HIVEP2: variants seen among roughly 807,000 people sequenced by gnomAD.
The protein encoded by HIVEP2 is transcription factor HIVEP2.
Under a neutral mutation model 180.7 loss-of-function variants are expected in HIVEP2, and 14 were observed. That is an observed-to-expected ratio of 0.08 (90% CI 0.05 to 0.12). The LOEUF (loss-of-function observed/expected upper bound fraction) is 0.12. Among genes scored for constraint, HIVEP2 ranks in the 10% least tolerant of loss-of-function variants. The pLI is 1.00. For missense variants in HIVEP2, 2,579 were observed against 3,008.5 expected (o/e 0.86, Z 3.34); for synonymous variants, 1,184 against 1,136.4 (o/e 1.04, Z -0.84).
intron 4 of HIVEP2, 27 bp downstream of exon 4, chr6:142,776,120 A>G (rs760642911): frequency 6.6e-6 from 1 of 152,606 alleles, no homozygotes; most frequent in Non-Finnish European, 1.5e-5. Context: ...GCATATTTCT[A>G]GGACAGTTTA....
At chr6:142,818,080 G>A in intron 2 of HIVEP2, among the ~76,000 whole-genome samples, 1 of 152,106 alleles carries the variant, frequency 6.6e-6, no homozygotes, top group Non-Finnish European at 1.5e-5. Flanking sequence ...TATGAAGCAT[G>A]TATTATTTGC....
intron 3 of HIVEP2, among the ~76,000 whole-genome samples, chr6:142,781,297 C>T (rs1033800745): frequency 4.6e-5 from 7 of 152,102 alleles, no homozygotes; most frequent in South Asian, 2.1e-4. Flanking sequence ...AACAGCGAGT[C>T]GTCACTTTAT....
intron 2 of HIVEP2, among the ~76,000 whole-genome samples, chr6:142,828,283 C>A (rs1388150508): frequency 3.9e-5 from 6 of 152,186 alleles, no homozygotes; most frequent in African/African-American, 1.4e-4. Context: ...ACTTTGGAAT[C>A]TTTTATCTGA....
Position 142,893,119 on chromosome 6 carries a change from T to G in HIVEP2, c.-641+51980A>C, listed in dbSNP as rs9376712. Among the ~76,000 whole-genome samples the G allele has an allele frequency of 8.6e-3, 1,305 of 152,278 alleles. 85 individuals are homozygous for G. The East Asian group carries it at 0.17, about 20-fold the overall frequency. ...ATCCCTATATTGGCCAGGCAGGAAC[T>G]GGAAAGTGGGACCTGGAGTCACAAA... On this transcript the variant is annotated intron_variant, in intron 1 of 9. Transcript: ENST00000367603.
At chr6:142,799,570 G>C (rs139330216) in intron 2 of HIVEP2, among the ~76,000 whole-genome samples, 22 of 152,212 alleles carry the variant, frequency 1.4e-4, no homozygotes, top group Non-Finnish European at 3.2e-4. Flanking sequence ...CTAAAAATTA[G>C]TAAATTTCTG....
intron 1 of HIVEP2, among the ~76,000 whole-genome samples, chr6:142,910,473 A>T (rs375663272): frequency 2.6e-4 from 39 of 152,320 alleles, no homozygotes; most frequent in African/African-American, 8.9e-4. Context: ...GTGGTGGCGC[A>T]TGCCTGTAGT....
intron 1 of HIVEP2, among the ~76,000 whole-genome samples, chr6:142,909,844 C>G (rs1244019373): frequency 6.6e-6 from 1 of 152,176 alleles, no homozygotes; most frequent in Non-Finnish European, 1.5e-5. Flanking sequence ...TTGGGGGAAA[C>G]ACAGTAACAG....
chr6:142,866,685 C>T (rs1245483676), intron 1 of HIVEP2, among the ~76,000 whole-genome samples: 2 of 152,118 alleles, frequency 1.3e-5, no homozygotes, highest in Non-Finnish European at 1.5e-5. Context: ...AGGAGAATTA[C>T]TGGGAAAAGG....
chr6:142,801,777 T>C (rs147979179), intron 2 of HIVEP2, among the ~76,000 whole-genome samples: 3 of 152,326 alleles, frequency 2.0e-5, no homozygotes, highest in Non-Finnish European at 4.4e-5. Flanking sequence ...TTGTAAGATA[T>C]GAATTTTAAA....
chr6:142,859,330 A>T (rs1328906797), intron 1 of HIVEP2, among the ~76,000 whole-genome samples: 2 of 151,970 alleles, frequency 1.3e-5, no homozygotes, highest in East Asian at 3.9e-4. Context: ...GTGTGATGGC[A>T]CATGCCTGTA....
intron 1 of HIVEP2, among the ~76,000 whole-genome samples, chr6:142,870,031 C>T (rs1241688969): frequency 6.6e-6 from 1 of 152,056 alleles, no homozygotes; most frequent in Non-Finnish European, 1.5e-5. Flanking sequence ...ACAGGGGACT[C>T]TTAAAACCAT....
intron 2 of HIVEP2, among the ~76,000 whole-genome samples, chr6:142,802,569 C>T (rs1776440477): frequency 6.6e-6 from 1 of 152,038 alleles, no homozygotes; most frequent in African/African-American, 2.4e-5. Flanking sequence ...ATGTTCACAG[C>T]TCTAATTCAC....
At chr6:142,790,238 G>A (rs1776105333) in intron 2 of HIVEP2, among the ~76,000 whole-genome samples, 1 of 152,140 alleles carries the variant, frequency 6.6e-6, no homozygotes, top group African/African-American at 2.4e-5. Context: ...AACTCCACAG[G>A]CACTACTTCT....
intron 4 of HIVEP2, among the ~76,000 whole-genome samples, chr6:142,775,474 A>T (rs1775674653): frequency 6.6e-6 from 1 of 152,296 alleles, no homozygotes; most frequent in African/African-American, 2.4e-5. Context: ...ATTCCTAACC[A>T]AGTTTTATGA....
chr6:142,798,628 A>C (rs889660872), intron 2 of HIVEP2, among the ~76,000 whole-genome samples: 1 of 152,094 alleles, frequency 6.6e-6, no homozygotes, highest in Admixed American at 6.6e-5. Flanking sequence ...TCTCAAAATG[A>C]GAAGAGATTA....
chr6:142,870,439 G>A (rs1167186037), intron 1 of HIVEP2, among the ~76,000 whole-genome samples: 2 of 152,106 alleles, frequency 1.3e-5, no homozygotes, highest in African/African-American at 4.8e-5. Flanking sequence ...TTTGTTTTTT[G>A]CGGAATGTAC....
intron 2 of HIVEP2, among the ~76,000 whole-genome samples, chr6:142,819,264 G>A (rs955620450): frequency 6.6e-6 from 1 of 151,980 alleles, no homozygotes; most frequent in East Asian, 1.9e-4. Context: ...AAAGAAAAAT[G>A]CTTGGGGTTC....
At chr6:142,756,801 CTATCTAT>C in intron 9 of HIVEP2, among the ~76,000 whole-genome samples, 1 of 88,376 alleles carries the variant, frequency 1.1e-5, no homozygotes, top group East Asian at 3.9e-4. Context: ...GATACCTTAT[CTATCTAT>C]CTATCTATCT....
intron 1 of HIVEP2, among the ~76,000 whole-genome samples, chr6:142,892,915 G>A (rs771304462): frequency 3.9e-5 from 6 of 152,130 alleles, no homozygotes; most frequent in East Asian, 1.9e-4. Context: ...TCATTCCATC[G>A]TACCAAAAAG....
Sources: gnomAD v4.1 joint callset for allele counts (sites outside exome capture counted in the v4.1 genomes callset) on GRCh38, gnomAD v4.1.1 for gene constraint, MANE v1.5 for transcripts, NCBI Gene and HGNC (gene_info 2026-07-23, HGNC 2026-07-21) for gene names.